Variants in RSAD1 observed in about 807,000 individuals in gnomAD.
RSAD1 encodes radical S-adenosyl methionine domain-containing protein 1, mitochondrial.
In RSAD1, 34 loss-of-function variants were observed where a neutral mutation model predicts 46.2. The observed-to-expected ratio is 0.74, with a 90% CI of 0.56 to 0.98. RSAD1 has a LOEUF of 0.98. Ranked by LOEUF, RSAD1 falls within the 50% of genes least tolerant of loss-of-function variation. RSAD1 has a pLI of 0.00. For synonymous variants in RSAD1, 260 were observed against 253.5 expected, an observed-to-expected ratio of 1.03 and a Z score of -0.24; for missense variants, 635 against 592.3, an observed-to-expected ratio of 1.07 and a Z score of -0.75.
chr17:50,484,330 T>C (rs2143838322), intron 7 of RSAD1, 112 bp from the exon 8 acceptor site: 1 of 863,366 alleles, frequency 1.2e-6, no homozygotes, highest in Middle Eastern at 2.8e-4. Context: ...GCATGTCAGC[T>C]GCTGAGATCT....
At chr17:50,484,243 C>T (rs2033421592) in intron 7 of RSAD1, 199 bp from the exon 8 acceptor site, 1 of 562,542 alleles carries the variant, frequency 1.8e-6, no homozygotes. Context: ...TGGCTGGAAG[C>T]TGGGTTCCAG....
At chr17:50,480,941 TAAC>T (rs1054836330) in intron 3 of RSAD1, among the ~76,000 whole-genome samples, 29 of 152,322 alleles carry the variant, frequency 1.9e-4, no homozygotes, top group African/African-American at 5.5e-4. Context: ...TCTACCGTCT[TAAC>T]AAGTTTTTAA....
At chr17:50,484,618 CAGG>C in intron 8 of RSAD1, 73 bp downstream of exon 8, 1 of 1,547,298 alleles carries the variant, frequency 6.5e-7, no homozygotes, top group South Asian at 1.1e-5. Flanking sequence ...TCCACAGACC[CAGG>C]AGAAGTGAGA....
intron 3 of RSAD1, among the ~76,000 whole-genome samples, chr17:50,481,629 T>G (rs2033380903): frequency 6.6e-6 from 1 of 152,262 alleles, no homozygotes; most frequent in African/African-American, 2.4e-5. Context: ...CAGGTATGTA[T>G]GTTTAAAGAG....
In RSAD1 at chr17:50,478,898, G is replaced by C. The variant is rs2071737295; in HGVS notation, c.14G>C (p.Gly5Ala). The C allele has an allele frequency of 1.5e-6, 2 of 1,313,856 alleles. No individual in the cohort carries two copies. The highest frequency in any genetic ancestry group is 1.9e-6 in the Non-Finnish European group (2 of 1,039,224). 81.4% of individuals were successfully genotyped at this position (1,313,856 alleles called of 1,614,324 possible). The change falls in exon 1 of 9, where the codon GGA (glycine) becomes GCA (alanine). Residue 5 changes from glycine (G) to alanine (A), a missense_variant. Coordinates refer to ENST00000258955, the MANE Select transcript of RSAD1 (RefSeq NM_018346.3). Reference protein sequence around the residue: MALPGARARGWAAAA... With the variant: MALPAARARGWAAAA... ...GCGCTGGGCGCCATGGCGCTCCCCGGAGCCCGGGCTCGCGGCTGGGCGGCA... is the reference window on the plus strand; with the variant it reads ...GCGCTGGGCGCCATGGCGCTCCCCGCAGCCCGGGCTCGCGGCTGGGCGGCA...
chr17:50,484,483 G>A lies in RSAD1; in HGVS notation c.1149G>A (p.Val383=). The change falls in exon 8 of 9, where the codon GTG becomes GTA. Residue 383 remains valine, a synonymous_variant. Coordinates refer to ENST00000258955, the MANE Select transcript of RSAD1 (RefSeq NM_018346.3). ...AGCCCCAGCTGACCCTGTGGGATGTGTTTGGAGCGAACAAGGAGGTGCAGG... is the reference window on the plus strand; with the variant it reads ...AGCCCCAGCTGACCCTGTGGGATGTATTTGGAGCGAACAAGGAGGTGCAGG... ...QFEPQLTLWD[V]FGANKEVQEL... is the part of the protein sequence containing the mutation. The A allele has an allele frequency of 6.2e-7, 1 of 1,613,816 alleles. No individual in the cohort carries two copies. The highest frequency in any genetic ancestry group is 8.5e-7 in the Non-Finnish European group (1 of 1,180,030).
At chr17:50,483,787 A>C (rs1598445076) in intron 7 of RSAD1, 27 bp downstream of exon 7, 6 of 1,585,912 alleles carry the variant, frequency 3.8e-6, no homozygotes, top group South Asian at 3.4e-5. Context: ...CTTGCACACC[A>C]CTCCCTCCTA....
Position 50,480,086 on chromosome 17 carries a change from T to A in RSAD1, c.474+2T>A. 1 of 1,613,818 alleles carries A rather than the reference T, an allele frequency of 6.2e-7. No individual in the cohort carries two copies. Among genetic ancestry groups the A allele is most frequent in the Non-Finnish European group, 8.5e-7 (1 of 1,179,970 alleles). On this transcript the variant is annotated splice_donor_variant, in intron 3 of 8. Transcript: ENST00000258955. LOFTEE classifies it high-confidence loss of function. Reference sequence around the variant, plus strand: ...AACAGGTTGTCTATAGGCCTCCAGGTAACCCATGGCACTCACCCCATCCCA... The same window carrying A: ...AACAGGTTGTCTATAGGCCTCCAGGAAACCCATGGCACTCACCCCATCCCA...
chr17:50,483,889 C>T, intron 7 of RSAD1, 129 bp downstream of exon 7: 2 of 892,436 alleles, frequency 2.2e-6, no homozygotes, highest in South Asian at 3.6e-5. Context: ...AAGTGGGGCC[C>T]AGGTCCAGCT....
Position 50,479,163 on chromosome 17 carries a change from AC to A in RSAD1, c.135+147del, listed in dbSNP as rs886402507. On this transcript the variant is annotated intron_variant, in intron 1 of 8. Transcript: ENST00000258955. ...GCCCCCGTACGAGGTCTGGGATGGG[AC>A]CCTGTGCTTTGGCAGGGAAATGACT... 6.6e-6 allele frequency: 6 copies of A among 915,784 alleles called. No homozygotes were observed. In the African/African-American group the frequency reaches 1.0e-4, roughly 16 times the overall value. 56.7% of individuals were successfully genotyped at this position (915,784 alleles called of 1,614,324 possible).
intron 8 of RSAD1, 75 bp from the exon 9 acceptor site, chr17:50,484,669 A>C: frequency 6.6e-7 from 1 of 1,524,986 alleles, no homozygotes; most frequent in Middle Eastern, 1.7e-4. Context: ...GGGTGCTGGG[A>C]GCTCGGCCCT....
chr17:50,483,609 C>T (rs968190224), intron 6 of RSAD1, 97 bp from the exon 7 acceptor site: 1 of 1,589,580 alleles, frequency 6.3e-7, no homozygotes, highest in African/African-American at 1.3e-5. Context: ...CTGTATGGTC[C>T]CTGTTAGCCT....
At chr17:50,483,817 C>T (rs1479137823) in intron 7 of RSAD1, 57 bp downstream of exon 7, 4 of 1,493,416 alleles carry the variant, frequency 2.7e-6, no homozygotes, top group East Asian at 4.6e-5. Flanking sequence ...AGAATCAATG[C>T]CCCCTCCCTG....
chr17:50,481,208 G>A (rs2033377016), intron 3 of RSAD1, among the ~76,000 whole-genome samples: 1 of 152,200 alleles, frequency 6.6e-6, no homozygotes, highest in African/African-American at 2.4e-5. Flanking sequence ...CCCTGACTGG[G>A]GAGGAAGGAG....
chr17:50,480,231 CT>C (rs2033367052), intron 3 of RSAD1, 147 bp downstream of exon 3: 1 of 738,928 alleles, frequency 1.4e-6, no homozygotes, highest in African/African-American at 1.7e-5. Context: ...ACTTTTATAA[CT>C]CCTTAATTGT....
chr17:50,482,092 C>G lies in RSAD1; in HGVS notation c.476C>G (p.Ser159Cys), dbSNP rs2033385438. Reference sequence around the variant, plus strand: ...CTTACACCCACCCTCTTTTCCCAGTCCCTAGATGACACTGAGCTCCGGCTG... The same window carrying G: ...CTTACACCCACCCTCTTTTCCCAGTGCCTAGATGACACTGAGCTCCGGCTG... ...GVNRLSIGLQ[S>C]LDDTELRLLG... The change falls in exon 4 of 9, where the codon TCC becomes TGC. Residue 159 changes from serine to cysteine, a missense_variant and splice_region_variant. By Grantham distance (112) the Ser-to-Cys change is moderately radical. Transcript: ENST00000258955. 1 of 1,554,742 alleles carries G rather than the reference C, an allele frequency of 6.4e-7. No individual in the cohort carries two copies. The highest frequency in any genetic ancestry group is 1.4e-5 in the African/African-American group (1 of 73,102).
rs555529887 is a variant in RSAD1 at position 50,478,864 on chromosome 17, C to T, written c.-21C>T. On this transcript the variant is annotated 5_prime_UTR_variant, in exon 1 of 9. Transcript: ENST00000258955. ...CGCGCGTCTCCTGCTCGGGTCAGTG[C>T]GCCGCGCTGCGCTGGGCGCCATGGC... The T allele has an allele frequency of 8.5e-5, 107 of 1,258,574 alleles. No homozygotes were observed. The African/African-American group carries it at 1.6e-3, about 18-fold the overall frequency. The allele number at this position is 1,258,574 out of a possible 1,614,324, so 78.0% of individuals were successfully genotyped here. A position where few individuals can be genotyped will look rare whatever the true frequency, so the allele number is the denominator to read the frequency against.
In RSAD1 at chr17:50,482,511, C is replaced by A. The variant is rs1365616659; in HGVS notation, c.840+55C>A. 25 of 1,607,626 alleles carry A rather than the reference C, an allele frequency of 1.6e-5. No homozygotes were observed. The Middle Eastern group carries it at 1.2e-3, about 76-fold the overall frequency. On this transcript the variant is annotated intron_variant, in intron 4 of 8. Coordinates refer to ENST00000258955, the MANE Select transcript of RSAD1 (RefSeq NM_018346.3). ...GAGGATGGGCAGACTGCAGTGTGAC[C>A]AGGGCGTTGTGACCTTCTGAAGAGA...
intron 5 of RSAD1, 135 bp from the exon 6 acceptor site, chr17:50,483,205 G>GA (rs1160598159): frequency 1.7e-5 from 11 of 658,856 alleles, no homozygotes; most frequent in African/African-American, 1.6e-4. Context: ...AAGAAAGAAA[G>GA]AAAGAAAAGA....
Sources: allele counts gnomAD v4.1 joint callset (sites outside exome capture counted in the v4.1 genomes callset), GRCh38; gene constraint gnomAD v4.1.1; transcripts MANE v1.5; gene names NCBI Gene and HGNC (gene_info 2026-07-23, HGNC 2026-07-21).